Variants in FGF12 observed in about 807,000 individuals in gnomAD.
The protein encoded by FGF12 is fibroblast growth factor 12B.
FGF12 carries 14 observed loss-of-function variants against 23.6 expected under a neutral mutation model. That is an observed-to-expected ratio of 0.59 (90% CI 0.39 to 0.93). The LOEUF (loss-of-function observed/expected upper bound fraction) is 0.93, where lower values mean the gene tolerates loss of function less well. Ranked by LOEUF, FGF12 falls within the 40% of genes least tolerant of loss-of-function variation. FGF12 has a pLI of 0.00. For synonymous variants in FGF12, 62 were observed against 77.3 expected (o/e 0.80, Z 1.04); for missense variants, 175 against 217.8 (o/e 0.80, Z 1.24).
intron 4 of FGF12, among the ~76,000 whole-genome samples, chr3:192,198,584 A>T (rs1202496536): frequency 6.6e-6 from 1 of 152,228 alleles, no homozygotes; most frequent in Admixed American, 6.5e-5. Context: ...ATAAGTGCCT[A>T]TGAGTCTAAA....
chr3:192,357,244 G>A (rs1036587653), intron 3 of FGF12, among the ~76,000 whole-genome samples: 1 of 152,174 alleles, frequency 6.6e-6, no homozygotes, highest in East Asian at 1.9e-4. Context: ...AGCACTTTGG[G>A]AGGCCGAGGC....
At chr3:192,278,759 A>G (rs1292400995) in intron 4 of FGF12, among the ~76,000 whole-genome samples, 4 of 152,198 alleles carry the variant, frequency 2.6e-5, no homozygotes, top group African/African-American at 7.2e-5. Context: ...TCAGTTGGAG[A>G]GCCCACAAAG....
intron 2 of FGF12, among the ~76,000 whole-genome samples, chr3:192,618,015 T>A (rs1714827658): frequency 6.6e-6 from 1 of 152,054 alleles, no homozygotes; most frequent in Non-Finnish European, 1.5e-5. Flanking sequence ...ATACCCAGGA[T>A]GGCAAAGAAG....
At chr3:192,550,745 A>G (rs1725613201) in intron 2 of FGF12, among the ~76,000 whole-genome samples, 2 of 152,194 alleles carry the variant, frequency 1.3e-5, no homozygotes, top group South Asian at 4.1e-4. Flanking sequence ...TTTCTGATAC[A>G]TAACCAAAGA....
intron 4 of FGF12, among the ~76,000 whole-genome samples, chr3:192,255,480 T>G (rs1297011877): frequency 6.6e-6 from 1 of 151,976 alleles, no homozygotes; most frequent in Non-Finnish European, 1.5e-5. Flanking sequence ...GTTTAAATTA[T>G]CAATGCACAG....
chr3:192,628,106 T>C (rs1415721822), intron 2 of FGF12, among the ~76,000 whole-genome samples: 1 of 152,132 alleles, frequency 6.6e-6, no homozygotes, highest in African/African-American at 2.4e-5. Context: ...ATACAGTAAA[T>C]AACCTTTGGT....
chr3:192,242,391 T>C (rs1400557038), intron 4 of FGF12, among the ~76,000 whole-genome samples: 1 of 152,148 alleles, frequency 6.6e-6, no homozygotes, highest in African/African-American at 2.4e-5. Context: ...ACCAAAAGTG[T>C]TTATGAACAT....
At chr3:192,318,964 G>C (rs150760897) in intron 4 of FGF12, among the ~76,000 whole-genome samples, 1,996 of 151,418 alleles carry the variant, frequency 0.013, 53 homozygotes, top group African/African-American at 0.046. Flanking sequence ...CCTGAAGGGG[G>C]AAAAACAAAA....
At chr3:192,556,764 C>T (rs1412461663) in intron 2 of FGF12, among the ~76,000 whole-genome samples, 4 of 152,158 alleles carry the variant, frequency 2.6e-5, no homozygotes, top group African/African-American at 9.6e-5. Flanking sequence ...CGTGTTGGGT[C>T]GCAAAAGGAG....
chr3:192,404,787 C>T (rs1720896345), intron 2 of FGF12, among the ~76,000 whole-genome samples: 1 of 152,150 alleles, frequency 6.6e-6, no homozygotes, highest in South Asian at 2.1e-4. Flanking sequence ...GCCCATTAAC[C>T]CTAGCTGCCT....
intron 2 of FGF12, among the ~76,000 whole-genome samples, chr3:192,494,617 C>T (rs1410662744): frequency 6.6e-6 from 1 of 152,150 alleles, no homozygotes; most frequent in Non-Finnish European, 1.5e-5. Flanking sequence ...ATTCCCAAGA[C>T]CAGATATAAT....
chr3:192,573,079 C>T (rs1437840803), intron 2 of FGF12, among the ~76,000 whole-genome samples: 1 of 152,050 alleles, frequency 6.6e-6, no homozygotes, highest in East Asian at 1.9e-4. Context: ...AAACTTTATA[C>T]TAAAGAGTCT....
intron 2 of FGF12, among the ~76,000 whole-genome samples, chr3:192,399,763 T>C (rs1560099664): frequency 6.6e-6 from 1 of 152,230 alleles, no homozygotes; most frequent in South Asian, 2.1e-4. Context: ...ATATAAGCTC[T>C]AAGTGCTAAC....
intron 4 of FGF12, among the ~76,000 whole-genome samples, chr3:192,288,698 A>G (rs1251777186): frequency 6.6e-6 from 1 of 152,118 alleles, no homozygotes; most frequent in East Asian, 1.9e-4. Flanking sequence ...ATTCTTATTT[A>G]ATGGCTTTTC....
At chr3:192,167,772 A>ATTTTTTTTTTTTT (rs368951795) in intron 5 of FGF12, among the ~76,000 whole-genome samples, 2 of 15,402 alleles carry the variant, frequency 1.3e-4, no homozygotes, top group African/African-American at 4.5e-4. Context: ...TATATATAAA[A>ATTTTTTTTTTTTT]TTTTTTTTTT....
At chr3:192,377,579 T>A (rs1024068956) in intron 2 of FGF12, among the ~76,000 whole-genome samples, 1 of 152,212 alleles carries the variant, frequency 6.6e-6, no homozygotes, top group African/African-American at 2.4e-5. Flanking sequence ...TAGAACATTA[T>A]GGGGGTAACA....
intron 2 of FGF12, among the ~76,000 whole-genome samples, chr3:192,504,125 G>C (rs1315575623): frequency 2.0e-5 from 3 of 152,034 alleles, no homozygotes; most frequent in African/African-American, 4.8e-5. Context: ...ACTTATAAGT[G>C]GGAGACAAAG....
chr3:192,165,855 C>T (rs1437780807), intron 5 of FGF12, among the ~76,000 whole-genome samples: 1 of 152,144 alleles, frequency 6.6e-6, no homozygotes, highest in Non-Finnish European at 1.5e-5. Context: ...GGACTGCAAC[C>T]CCAGTTCTGT....
chr3:192,562,568 T>C (rs1712088961), intron 2 of FGF12, among the ~76,000 whole-genome samples: 2 of 152,090 alleles, frequency 1.3e-5, no homozygotes, highest in South Asian at 4.1e-4. Context: ...ATAAAAAAAT[T>C]ATATAGGCCA....
Sources: gnomAD v4.1 joint callset for allele counts (sites outside exome capture counted in the v4.1 genomes callset) on GRCh38, gnomAD v4.1.1 for gene constraint, MANE v1.5 for transcripts, NCBI Gene and HGNC (gene_info 2026-07-23, HGNC 2026-07-21) for gene names.